The following SYMPK variants were observed in gnomAD, a reference collection of about 807,000 sequenced individuals.
The protein encoded by SYMPK is symplekin.
SYMPK carries 49 observed loss-of-function variants against 136.4 expected under a neutral mutation model. The ratio of observed to expected loss-of-function variants is 0.36; its 90% CI spans 0.29 to 0.46. SYMPK has a LOEUF of 0.46. Ranked by LOEUF, SYMPK falls within the 20% of genes least tolerant of loss-of-function variation. The pLI is 1.00. For missense variants in SYMPK, 1,365 were observed against 1,690.0 expected (o/e 0.81, Z 3.37); for synonymous variants, 766 against 713.0 (o/e 1.07, Z -1.19).
In SYMPK at chr19:45,816,992, G is replaced by T. The variant is rs910325558; in HGVS notation, c.3082-18C>A. ...TTCCACACCTGAACCAGGGAGGGAG[G>T]GAGCCGTCGGGAGAGGCACACAGGC... On this transcript the variant is annotated intron_variant, in intron 23 of 26. Coordinates refer to ENST00000245934, the MANE Select transcript of SYMPK (RefSeq NM_004819.3). 34 of 1,551,438 alleles carry T rather than the reference G, an allele frequency of 2.2e-5. 1 individual carries two copies. Among genetic ancestry groups the T allele is most frequent in the Non-Finnish European group, 2.8e-5 (32 of 1,148,238 alleles).
intron 18 of SYMPK, among the ~76,000 whole-genome samples, chr19:45,824,592 A>G (rs1970994753): frequency 6.6e-6 from 1 of 152,172 alleles, no homozygotes; most frequent in Non-Finnish European, 1.5e-5. Flanking sequence ...TTATCACGAA[A>G]ATGTTCTGTA....
chr19:45,823,569 G>T, intron 19 of SYMPK, 97 bp from the exon 20 acceptor site: 3 of 1,211,144 alleles, frequency 2.5e-6, no homozygotes, highest in East Asian at 2.4e-5. Context: ...TGTGCAGGAA[G>T]GGATGGCAAC....
In SYMPK at chr19:45,821,187, G is replaced by GA. The variant is rs1359956541; in HGVS notation, c.2893+196dup. The GA allele has an allele frequency of 4.3e-6, 3 of 695,174 alleles. No individual in the cohort carries two copies. The highest frequency in any genetic ancestry group is 1.8e-5 in the African/African-American group (1 of 56,402). The allele number at this position is 695,174 out of a possible 1,614,324, so 43.1% of individuals were successfully genotyped here. On this transcript the variant is annotated intron_variant, in intron 22 of 26. Transcript: ENST00000245934. The surrounding 1 kb of genome is among the most constrained non-coding windows in gnomAD (Gnocchi z 4.4). ...AGGGTAAAACCTGGGAGGAAGGAAG[G>GA]AGGAGGGAGGGAGGGAGGGAGGGAA...
rs756422777 is a variant in SYMPK at position 45,821,201 on chromosome 19, G to A, written c.2893+183C>T. The A allele has an allele frequency of 1.4e-6, 1 of 694,888 alleles. No homozygotes were observed. Among genetic ancestry groups the A allele is most frequent in the South Asian group, 1.5e-5 (1 of 66,446 alleles). 43.0% of individuals were successfully genotyped at this position (694,888 alleles called of 1,614,324 possible). ...GAGGAAGGAAGGAGGAGGGAGGGAGGGAGGGAGGGAAGAGGAGGCAAGAAA... is the reference window on the plus strand; with the variant it reads ...GAGGAAGGAAGGAGGAGGGAGGGAGAGAGGGAGGGAAGAGGAGGCAAGAAA... On this transcript the variant is annotated intron_variant, in intron 22 of 26. Transcript: ENST00000245934. The surrounding 1 kb of genome is among the most constrained non-coding windows in gnomAD (Gnocchi z 4.4).
chr19:45,854,071 T>C, intron 3 of SYMPK, 104 bp downstream of exon 3: 1 of 1,104,574 alleles, frequency 9.1e-7, no homozygotes, highest in Non-Finnish European at 1.4e-6. Context: ...CGGCACACAC[T>C]GAGTGTGTAA....
chr19:45,815,501 C>A lies in SYMPK; in HGVS notation c.*59G>T. Reference sequence around the variant, plus strand: ...TAAGGCAAAGCACCCGCAGGTCAAGCCCCGCCCCGTCCCCCAGCCCCGAGT... The same window carrying A: ...TAAGGCAAAGCACCCGCAGGTCAAGACCCGCCCCGTCCCCCAGCCCCGAGT... On this transcript the variant is annotated 3_prime_UTR_variant, in exon 27 of 27. Transcript: ENST00000245934. 9.7e-7 allele frequency: 1 copy of A among 1,034,284 alleles called. No individual in the cohort carries two copies. The highest frequency in any genetic ancestry group is 1.3e-6 in the Non-Finnish European group (1 of 752,190). The allele number at this position is 1,034,284 out of a possible 1,614,324, so 64.1% of individuals were successfully genotyped here.
At chr19:45,831,299 A>G in intron 12 of SYMPK, 85 bp downstream of exon 12, 1 of 1,127,730 alleles carries the variant, frequency 8.9e-7, no homozygotes, top group Non-Finnish European at 1.2e-6. Flanking sequence ...ACACACGCAC[A>G]CGCACACGCA....
intron 9 of SYMPK, among the ~76,000 whole-genome samples, chr19:45,841,950 T>G (rs10406609): frequency 0.098 from 14,946 of 151,928 alleles, 743 homozygotes; most frequent in Non-Finnish European, 0.1. Context: ...TTGATAATTC[T>G]ATTGTAATTT....
chr19:45,816,322 C>T, intron 25 of SYMPK, 139 bp from the exon 26 acceptor site: 1 of 1,182,494 alleles, frequency 8.5e-7, no homozygotes, highest in Non-Finnish European at 1.2e-6. Context: ...TCCCCCAGAC[C>T]CCCAACTCCC....
At chr19:45,836,028 CAG>C (rs1216763820) in intron 10 of SYMPK, among the ~76,000 whole-genome samples, 1 of 152,146 alleles carries the variant, frequency 6.6e-6, no homozygotes, top group Non-Finnish European at 1.5e-5. Flanking sequence ...AGAATCCTAA[CAG>C]AGAACATCCA....
At chr19:45,862,183 T>C (rs1038442925) in intron 1 of SYMPK, among the ~76,000 whole-genome samples, 6 of 152,176 alleles carry the variant, frequency 3.9e-5, no homozygotes, top group East Asian at 3.8e-4. Context: ...TAGAGTTGCA[T>C]AGTATTTTTT....
At chr19:45,848,638 C>G in intron 6 of SYMPK, 112 bp downstream of exon 6, 1 of 1,438,346 alleles carries the variant, frequency 7.0e-7, no homozygotes, top group Non-Finnish European at 9.6e-7. Context: ...AGACCAGTGG[C>G]ACATCTTGCC....
rs1330572182 is a variant in SYMPK at position 45,834,662 on chromosome 19, A to ATTTAACC, written c.1393+409_1393+415dup. 3.3e-5 allele frequency among the ~76,000 whole-genome samples: 5 copies of ATTTAACC among 152,294 alleles called. No individual in the cohort carries two copies. In the East Asian group the frequency reaches 9.6e-4, roughly 29 times the overall value. On this transcript the variant is annotated intron_variant, in intron 11 of 26. Transcript: ENST00000245934. ...GTCCCAAGCATTTTGGATAAGGGAT[A>ATTTAACC]TTTAACCTGTATCTTGATCTGGGTG...
At chr19:45,826,558 C>T (rs755665985) in intron 16 of SYMPK, among the ~76,000 whole-genome samples, 185 bp from the exon 17 acceptor site, 1 of 152,120 alleles carries the variant, frequency 6.6e-6, no homozygotes, top group Admixed American at 6.5e-5. Flanking sequence ...GGGCCGGACC[C>T]GCAGCACCAC....
rs1256893363 is a variant in SYMPK at position 45,816,033 on chromosome 19, A to G, written c.3505T>C (p.Ser1169Pro). Reference protein sequence around the residue: ...LKPGGVGAPSSSSPSPSPSAR... With the variant: ...LKPGGVGAPSPSSPSPSPSAR... ...GACGGAGAGGGAGAGGGGGAGGAAGAGGAGGGGGCTCCCACTCCTCCCGGC... is the reference window on the plus strand; with the variant it reads ...GACGGAGAGGGAGAGGGGGAGGAAGGGGAGGGGGCTCCCACTCCTCCCGGC... The change falls in exon 26 of 27, where the codon TCT becomes CCT. Residue 1169 changes from serine to proline, a missense_variant. Around this residue, in one of 11 missense-constraint regions of SYMPK, gnomAD observed 341 missense variants for 270.5 expected, o/e 1.26. Coordinates refer to ENST00000245934, the MANE Select transcript of SYMPK (RefSeq NM_004819.3). 24 of 1,582,820 alleles carry G rather than the reference A, an allele frequency of 1.5e-5. No individual in the cohort carries two copies. Among genetic ancestry groups the G allele is most frequent in the Non-Finnish European group, 2.1e-5 (24 of 1,164,278 alleles).
chr19:45,823,456 C>T lies in SYMPK; in HGVS notation c.2616G>A (p.Glu872=). ...SLTDKVPPSP[E]LVKRVRDLYH... Reference sequence around the variant, plus strand: ...AGAGATCCCGGACCCGCTTCACCAGCTCTGGGGAGGGTGGGACTGCATGGA... The same window carrying T: ...AGAGATCCCGGACCCGCTTCACCAGTTCTGGGGAGGGTGGGACTGCATGGA... Residue 872 remains glutamate (E), a synonymous_variant, in exon 20 of 27, where the codon GAG becomes GAA. Coordinates refer to ENST00000245934, the MANE Select transcript of SYMPK (RefSeq NM_004819.3). 7 of 1,613,916 alleles carry T rather than the reference C, an allele frequency of 4.3e-6. No homozygotes were observed. Among genetic ancestry groups the T allele is most frequent in the Non-Finnish European group, 5.9e-6 (7 of 1,180,006 alleles).
At chr19:45,849,945 T>C (rs1022851709) in intron 5 of SYMPK, among the ~76,000 whole-genome samples, 1 of 152,056 alleles carries the variant, frequency 6.6e-6, no homozygotes, top group African/African-American at 2.4e-5. Flanking sequence ...CTTGGGAGGC[T>C]GAGGCAGGAG....
At chr19:45,836,509 T>C (rs1156332262) in intron 10 of SYMPK, among the ~76,000 whole-genome samples, 1 of 151,518 alleles carries the variant, frequency 6.6e-6, no homozygotes, top group Non-Finnish European at 1.5e-5. Context: ...CAGGCACCTG[T>C]AGTCCCAGCT....
rs1568605965 is a variant in SYMPK, at chr19:45,817,417, C to CTCTTTTTTTTTTTTTTTTT, written c.3082-444_3082-443insAAAAAAAAAAAAAAAAAGA. 6.1e-4 allele frequency among the ~76,000 whole-genome samples: 66 copies of CTCTTTTTTTTTTTTTTTTT among 108,480 alleles called. 2 individuals carry two copies. The highest frequency in any genetic ancestry group is 9.5e-4 in the Non-Finnish European group (51 of 53,842). 71.2% of individuals were successfully genotyped at this position (108,480 alleles called of 152,430 possible). On this transcript the variant is annotated intron_variant, in intron 23 of 26. Transcript: ENST00000245934. ...CTGCGGGGTTTGGTTTTTTTGTTCT[C>CTCTTTTTTTTTTTTTTTTT]TTTTTTTTTTTTTTTTTTTTTTTTT...
Sources: gnomAD v4.1 joint callset for allele counts (sites outside exome capture counted in the v4.1 genomes callset) on GRCh38, gnomAD v4.1.1 for gene constraint, gnomAD v4.1.1 regional missense constraint, Gnocchi (gnomAD v3.1) non-coding constraint, MANE v1.5 for transcripts, NCBI Gene and HGNC (gene_info 2026-07-23, HGNC 2026-07-21) for gene names.